Variants in CSMD1 observed in about 807,000 individuals in gnomAD.
CSMD1 encodes the protein CUB and Sushi multiple domains 1, also known as CUB and sushi domain-containing protein 1.
A neutral mutation model predicts 417.5 loss-of-function variants in CSMD1; 213 were observed. The observed-to-expected ratio is 0.51, with a 90% confidence interval of 0.46 to 0.57. The LOEUF (loss-of-function observed/expected upper bound fraction) is 0.57, where lower values mean the gene tolerates loss of function less well. CSMD1 is among the 20% of genes least tolerant of loss of function. The pLI, the probability that CSMD1 is intolerant of heterozygous loss-of-function variation, is 0.00. For synonymous variants in CSMD1, 2,862 were observed against 1,736.8 expected, an observed-to-expected ratio of 1.65 and a Z score of -16.11; for missense variants, 6,923 against 4,529.7, an observed-to-expected ratio of 1.53 and a Z score of -15.17.
chr8:3,230,172 C>A lies in CSMD1; in HGVS notation c.4213G>T (p.Asp1405Tyr). Residue 1405 changes from aspartate (D) to tyrosine (Y), a missense_variant, in exon 27 of 70, where the codon GAC (aspartate) becomes TAC (tyrosine). Transcript: ENST00000635120. ...GMPQNGTRYG[D>Y]SREAGDTVTF... ...ACGGTGTCTCCAGCCTCTCTGCTGT[C>A]TCCATAGCGGGTGCCATTTTGGGGC... 1 of 1,613,124 alleles carries A rather than the reference C, an allele frequency of 6.2e-7. No individual in the cohort carries two copies. The highest frequency in any genetic ancestry group is 1.1e-5 in the South Asian group (1 of 90,988).
intron 17 of CSMD1, among the ~76,000 whole-genome samples, chr8:3,390,848 C>T (rs1811306354): frequency 6.6e-6 from 1 of 152,106 alleles, no homozygotes; most frequent in Admixed American, 6.5e-5. Flanking sequence ...TGAACATTTC[C>T]TGAGCACATT....
intron 37 of CSMD1, among the ~76,000 whole-genome samples, chr8:3,168,469 G>A (rs895176936): frequency 2.0e-5 from 3 of 152,104 alleles, no homozygotes; most frequent in African/African-American, 7.2e-5. Flanking sequence ...TAATGTGCTG[G>A]AACATAGGGG....
rs559732835 is a variant in CSMD1 at position 3,310,504 on chromosome 8, A to T, written c.3632-2001T>A. On this transcript the variant is annotated intron_variant, in intron 23 of 69. Coordinates refer to ENST00000635120, the MANE Select transcript of CSMD1 (RefSeq NM_033225.6). ...GAGTCCACCTCCCTATTAATAACAA[A>T]CAATCTTCCAAAATCTTGCGCTATC... is the stretch of plus-strand genomic sequence containing the variant. Among the ~76,000 whole-genome samples the T allele has an allele frequency of 5.9e-5, 9 of 152,314 alleles. No individual in the cohort carries two copies. The South Asian group carries it at 1.7e-3, about 28-fold the overall frequency.
chr8:3,954,241 A>T (rs1014041010), intron 5 of CSMD1, among the ~76,000 whole-genome samples: 2 of 152,252 alleles, frequency 1.3e-5, no homozygotes, highest in African/African-American at 4.8e-5. Context: ...AGTCCAGAGC[A>T]GGAGTGGAAG....
chr8:4,003,909 A>G (rs750803153), intron 4 of CSMD1, among the ~76,000 whole-genome samples: 1 of 150,678 alleles, frequency 6.6e-6, no homozygotes, highest in African/African-American at 2.4e-5. Flanking sequence ...ACAGCTACCA[A>G]AAGAGAAATG....
Position 3,087,222 on chromosome 8 carries a change from G to C in CSMD1, c.7349C>G (p.Ala2450Gly). The C allele has an allele frequency of 6.2e-7, 1 of 1,613,864 alleles. No homozygotes were observed. The highest frequency in any genetic ancestry group is 8.5e-7 in the Non-Finnish European group (1 of 1,179,820). The change falls in exon 49 of 70, where the codon GCG (alanine) becomes GGG (glycine). Residue 2450 changes from alanine (A) to glycine (G), a missense_variant. Physicochemically the swap from Ala to Gly is moderately conservative, Grantham distance 60 (BLOSUM62 0). Transcript: ENST00000635120. Reference protein sequence around the residue: ...NGGILNRTAGAVGSKVHYFCK... With the variant: ...NGGILNRTAGGVGSKVHYFCK... The stretch of plus-strand genomic sequence containing the variant: ...AAAATAATGCACTTTGCTTCCAACC[G>C]CTCCTGCAGTCCTGTTTAGAATACC...
At chr8:4,379,099 T>TA (rs1802935261) in intron 3 of CSMD1, among the ~76,000 whole-genome samples, 1 of 152,168 alleles carries the variant, frequency 6.6e-6, no homozygotes, top group African/African-American at 2.4e-5. Context: ...CCTTACCAAG[T>TA]AATTAATGTT....
chr8:4,426,142 T>C (rs1797539734), intron 2 of CSMD1, among the ~76,000 whole-genome samples: 1 of 151,834 alleles, frequency 6.6e-6, no homozygotes, highest in South Asian at 2.1e-4. Flanking sequence ...TGACATTAAT[T>C]TCCAGACAGC....
At chr8:4,193,187 G>A (rs951340557) in intron 3 of CSMD1, among the ~76,000 whole-genome samples, 2 of 152,072 alleles carry the variant, frequency 1.3e-5, no homozygotes, top group Non-Finnish European at 1.5e-5. Context: ...TCAGCTCTTT[G>A]GAGTCATAAG....
intron 1 of CSMD1, among the ~76,000 whole-genome samples, chr8:4,840,307 C>A (rs749789244): frequency 7.2e-5 from 11 of 152,148 alleles, no homozygotes; most frequent in African/African-American, 9.7e-5. Flanking sequence ...ACTCTTCCAC[C>A]TTCTATTCAG....
intron 3 of CSMD1, among the ~76,000 whole-genome samples, chr8:4,238,878 T>C (rs557639696): frequency 8.4e-4 from 128 of 152,338 alleles, no homozygotes; most frequent in African/African-American, 3.0e-3. Context: ...GCAATTTTTT[T>C]AGCAAATGCT....
At chr8:4,199,591 T>A (rs1799533561) in intron 3 of CSMD1, among the ~76,000 whole-genome samples, 1 of 152,190 alleles carries the variant, frequency 6.6e-6, no homozygotes, top group African/African-American at 2.4e-5. Context: ...AACCAATTTA[T>A]CTTTGATTCC....
At chr8:4,133,060 T>C (rs878985128) in intron 3 of CSMD1, among the ~76,000 whole-genome samples, 2 of 152,082 alleles carry the variant, frequency 1.3e-5, no homozygotes, top group Non-Finnish European at 2.9e-5. Context: ...CTCAGCCTCT[T>C]GAGTAGTTGG....
chr8:4,374,410 G>C (rs899006298), intron 3 of CSMD1, among the ~76,000 whole-genome samples: 8 of 152,158 alleles, frequency 5.3e-5, no homozygotes, highest in Non-Finnish European at 1.0e-4. Context: ...GGGGCTGAAG[G>C]CACCTGAAAA....
intron 10 of CSMD1, among the ~76,000 whole-genome samples, chr8:3,526,492 G>A (rs1797759744): frequency 6.6e-6 from 1 of 152,046 alleles, no homozygotes. Flanking sequence ...TTGCTCTCTG[G>A]ACCAAGCATC....
intron 5 of CSMD1, among the ~76,000 whole-genome samples, chr8:3,817,778 T>C (rs1003869196): frequency 6.6e-6 from 1 of 152,044 alleles, no homozygotes; most frequent in Non-Finnish European, 1.5e-5. Flanking sequence ...AAAGCCCCAA[T>C]GCAGACCAAA....
At chr8:4,929,356 G>A (rs1235128019) in intron 1 of CSMD1, among the ~76,000 whole-genome samples, 1 of 151,834 alleles carries the variant, frequency 6.6e-6, no homozygotes, top group Non-Finnish European at 1.5e-5. Context: ...GTTTGTTATG[G>A]CAGCCCCAGC....
At chr8:4,315,793 G>C (rs1053244189) in intron 3 of CSMD1, among the ~76,000 whole-genome samples, 18 of 104,064 alleles carry the variant, frequency 1.7e-4, no homozygotes, top group African/African-American at 4.7e-4. Context: ...TTTGCATAAA[G>C]TAATTCAAAC....
intron 5 of CSMD1, among the ~76,000 whole-genome samples, chr8:3,935,853 G>C (rs1370277063): frequency 6.6e-6 from 1 of 152,068 alleles, no homozygotes; most frequent in Non-Finnish European, 1.5e-5. Flanking sequence ...TAAATCAAAA[G>C]CTAGAAATCA....
Sources: allele counts gnomAD v4.1 joint callset (sites outside exome capture counted in the v4.1 genomes callset), GRCh38; gene constraint gnomAD v4.1.1; transcripts MANE v1.5; gene names NCBI Gene and HGNC (gene_info 2026-07-23, HGNC 2026-07-21).